Variants in CCDC7 observed in about 807,000 individuals in gnomAD.
The protein encoded by CCDC7 is coiled-coil domain-containing protein 7.
Under a neutral mutation model 196.9 loss-of-function variants are expected in CCDC7, and 183 were observed. The ratio of observed to expected loss-of-function variants is 0.93; its 90% confidence interval spans 0.82 to 1.05. The LOEUF (loss-of-function observed/expected upper bound fraction) is 1.05. Ranked by LOEUF, CCDC7 falls within the 50% of genes least tolerant of loss-of-function variation. The pLI is 0.00. For missense variants in CCDC7, 1,540 were observed against 1,482.2 expected (o/e 1.04, Z -0.64); for synonymous variants, 525 against 484.6 (o/e 1.08, Z -1.10).
At chr10:32,792,338 A>G (rs979979452) in intron 29 of CCDC7, among the ~76,000 whole-genome samples, 24 of 152,244 alleles carry the variant, frequency 1.6e-4, no homozygotes, top group African/African-American at 2.4e-5. Flanking sequence ...TATCTCTAGA[A>G]TAAAGGTTAA....
chr10:32,453,885 G>A (rs1253310565), intron 2 of CCDC7, among the ~76,000 whole-genome samples: 1 of 152,108 alleles, frequency 6.6e-6, no homozygotes, highest in Non-Finnish European at 1.5e-5. Context: ...TCCTCACAAA[G>A]TCTTGTATAT....
exon 32 of CCDC7, chr10:32,824,584 TAAA>T: frequency 6.2e-7 from 1 of 1,610,894 alleles, no homozygotes; most frequent in Admixed American, 1.7e-5. Flanking sequence ...AAGACGCAGT[TAAA>T]GAGAAAGAGT....
intron 18 of CCDC7, among the ~76,000 whole-genome samples, chr10:32,611,194 C>G (rs890047488): frequency 6.6e-6 from 1 of 151,742 alleles, no homozygotes; most frequent in Non-Finnish European, 1.5e-5. Flanking sequence ...CTTTTTTTCA[C>G]TTTTGTTAGC....
chr10:32,530,302 G>A (rs1006970050), intron 11 of CCDC7, among the ~76,000 whole-genome samples: 4 of 152,028 alleles, frequency 2.6e-5, no homozygotes, highest in Non-Finnish European at 5.9e-5. Flanking sequence ...TTCTAGTTCT[G>A]TGAAGAATGA....
chr10:32,492,289 A>T (rs1045037272), intron 9 of CCDC7, among the ~76,000 whole-genome samples: 1 of 152,090 alleles, frequency 6.6e-6, no homozygotes, highest in Admixed American at 6.6e-5. Flanking sequence ...ATTGGTTCCT[A>T]AAAAAATTAA....
intron 13 of CCDC7, among the ~76,000 whole-genome samples, chr10:32,555,541 G>A (rs2054216680): frequency 6.6e-6 from 1 of 152,084 alleles, no homozygotes. Flanking sequence ...ATTGTGCTTG[G>A]CCTATTTTTA....
chr10:32,608,629 C>T (rs1262552190), intron 18 of CCDC7, among the ~76,000 whole-genome samples: 2 of 152,164 alleles, frequency 1.3e-5, no homozygotes, highest in African/African-American at 4.8e-5. Context: ...CACCCTCCGC[C>T]TCCCAGGCTG....
At chr10:32,652,463 A>G (rs2068951302) in intron 20 of CCDC7, among the ~76,000 whole-genome samples, 2 of 151,736 alleles carry the variant, frequency 1.3e-5, no homozygotes, top group Non-Finnish European at 2.9e-5. Context: ...TGCTAATTTT[A>G]CTGTTGTTTT....
chr10:32,642,710 C>T (rs558703698), intron 20 of CCDC7, among the ~76,000 whole-genome samples: 50 of 152,304 alleles, frequency 3.3e-4, no homozygotes, highest in African/African-American at 1.1e-3. Flanking sequence ...CCCAGTACCT[C>T]GGTTGGAAAT....
chr10:32,443,929 A>C (rs999135250), upstream of CCDC7, among the ~76,000 whole-genome samples: 7 of 152,202 alleles, frequency 4.6e-5, no homozygotes, highest in African/African-American at 1.7e-4. Context: ...TGGGTCTTCT[A>C]ATCCATTAAT....
intron 18 of CCDC7, among the ~76,000 whole-genome samples, chr10:32,619,025 A>C (rs555935800): frequency 6.6e-6 from 1 of 152,170 alleles, no homozygotes; most frequent in African/African-American, 2.4e-5. Context: ...TATTTAGTCT[A>C]TAATTGAAGC....
chr10:32,465,138 A>G (rs1453762739), intron 5 of CCDC7, among the ~76,000 whole-genome samples: 1 of 152,046 alleles, frequency 6.6e-6, no homozygotes, highest in Non-Finnish European at 1.5e-5. Context: ...TATTCAACGA[A>G]TAAACTGGCA....
chr10:32,656,024 G>T (rs780998923), intron 20 of CCDC7, among the ~76,000 whole-genome samples: 4 of 151,880 alleles, frequency 2.6e-5, no homozygotes, highest in Non-Finnish European at 5.9e-5. Flanking sequence ...ACTGTTGATA[G>T]TTTTGTTTTC....
At chr10:32,828,572 A>G (rs1324965558) in intron 32 of CCDC7, among the ~76,000 whole-genome samples, 1 of 151,602 alleles carries the variant, frequency 6.6e-6, no homozygotes, top group Non-Finnish European at 1.5e-5. Flanking sequence ...GAAGAAGAAG[A>G]AGAGCAGCAG....
At chr10:32,515,817 G>C (rs547515003) in intron 9 of CCDC7, among the ~76,000 whole-genome samples, 62 of 152,218 alleles carry the variant, frequency 4.1e-4, no homozygotes, top group Non-Finnish European at 8.2e-4. Flanking sequence ...GGGATTACAG[G>C]CGTGAGCCAC....
intron 24 of CCDC7, among the ~76,000 whole-genome samples, chr10:32,698,065 G>T (rs2078023425): frequency 6.6e-6 from 1 of 152,282 alleles, no homozygotes; most frequent in South Asian, 2.1e-4. Flanking sequence ...GGCAAACAGG[G>T]TCTGGAGTGG....
At chr10:32,718,042 A>C (rs577043672) in intron 25 of CCDC7, among the ~76,000 whole-genome samples, 103 of 152,344 alleles carry the variant, frequency 6.8e-4, no homozygotes, top group Non-Finnish European at 1.2e-3. Context: ...TGAGACCAGC[A>C]GCATCCTGAT....
At chr10:32,561,704 A>ATC (rs2055675373) in intron 13 of CCDC7, among the ~76,000 whole-genome samples, 1 of 152,272 alleles carries the variant, frequency 6.6e-6, no homozygotes, top group East Asian at 1.9e-4. Flanking sequence ...AGCAGGAAAG[A>ATC]TCTAAAATGG....
intron 28 of CCDC7, among the ~76,000 whole-genome samples, chr10:32,736,818 A>C (rs1325560451): frequency 6.6e-6 from 1 of 152,100 alleles, no homozygotes; most frequent in Non-Finnish European, 1.5e-5. Flanking sequence ...TTGTTGAGCA[A>C]AAACAATTTT....
Sources: gnomAD v4.1 joint callset for allele counts (sites outside exome capture counted in the v4.1 genomes callset) on GRCh38, gnomAD v4.1.1 for gene constraint, MANE v1.5 for transcripts, NCBI Gene and HGNC (gene_info 2026-07-23, HGNC 2026-07-21) for gene names.